The following PUS10 variants were observed in gnomAD, a reference collection of about 807,000 sequenced individuals.
PUS10 encodes tRNA pseudouridine synthase Pus10.
A neutral mutation model predicts 75.0 loss-of-function variants in PUS10; 59 were observed. The ratio of observed to expected loss-of-function variants is 0.79; its 90% confidence interval spans 0.64 to 0.98. The LOEUF is 0.98. Among genes scored for constraint, PUS10 ranks in the 50% least tolerant of loss-of-function variants. PUS10 has a pLI of 0.00. For synonymous variants in PUS10, 219 were observed against 211.6 expected, an observed-to-expected ratio of 1.03 and a Z score of -0.30; for missense variants, 650 against 614.4, an observed-to-expected ratio of 1.06 and a Z score of -0.61.
chr2:61,013,739 T>C (rs1254004957), intron 1 of PUS10, among the ~76,000 whole-genome samples: 1 of 152,128 alleles, frequency 6.6e-6, no homozygotes, highest in Non-Finnish European at 1.5e-5. Context: ...TTAAAACAAA[T>C]TGAGGCCGGG....
At chr2:61,014,591 A>G (rs1326705972) in intron 1 of PUS10, among the ~76,000 whole-genome samples, 1 of 152,188 alleles carries the variant, frequency 6.6e-6, no homozygotes, top group African/African-American at 2.4e-5. Flanking sequence ...TTGTTCAGCA[A>G]AACAAGATCT....
chr2:60,971,648 T>C (rs1676670768), intron 4 of PUS10, 91 bp from the exon 5 acceptor site: 1 of 1,193,874 alleles, frequency 8.4e-7, no homozygotes, highest in Non-Finnish European at 1.2e-6. Context: ...AGTGCTTAAC[T>C]ATTTGCTAAT....
In PUS10 at chr2:61,007,228, T is replaced by TAAAAA. The variant is rs369386636; in HGVS notation, c.382-590_382-586dup. 1.7e-3 allele frequency among the ~76,000 whole-genome samples: 263 copies of TAAAAA among 150,432 alleles called. 2 individuals are homozygous for TAAAAA. The Middle Eastern group carries it at 0.041, about 24-fold the overall frequency. ...GAGTAGGCTTTTGTTTTTTTTTTTT[T>TAAAAA]AAAAAAAAGAAAATATTTTAATGAT... On this transcript the variant is annotated intron_variant, in intron 3 of 17. Coordinates refer to ENST00000316752, the MANE Select transcript of PUS10 (RefSeq NM_144709.4).
At position 60,963,373 on chromosome 2, in the gene PUS10, A is replaced by G. The variant is rs74846532; in HGVS notation, c.724-483T>C. Among the ~76,000 whole-genome samples, 1,113 of 152,368 alleles carry G rather than the reference A, an allele frequency of 7.3e-3. 13 individuals are homozygous for G. The highest frequency in any genetic ancestry group is 0.025 in the African/African-American group (1,053 of 41,584). On this transcript the variant is annotated intron_variant, in intron 8 of 17. Coordinates refer to ENST00000316752, the MANE Select transcript of PUS10 (RefSeq NM_144709.4). ...AGGGATAAAGCAGAGCCAACCTGCC[A>G]GCCCTGGCATCTAGCAACTCAGTCT...
chr2:61,017,296 G>C (rs1680063654), intron 1 of PUS10: 1 of 153,750 alleles, frequency 6.5e-6, no homozygotes, highest in African/African-American at 2.4e-5. Flanking sequence ...AAAAGTACCA[G>C]CCCGCTCTCG....
intron 4 of PUS10, among the ~76,000 whole-genome samples, chr2:60,984,892 T>C (rs1485608900): frequency 6.6e-6 from 1 of 152,054 alleles, no homozygotes; most frequent in Non-Finnish European, 1.5e-5. Flanking sequence ...TAGCAAAAGG[T>C]CTCAGAAAGA....
intron 9 of PUS10, among the ~76,000 whole-genome samples, chr2:60,962,024 G>A (rs1264361431): frequency 6.6e-6 from 1 of 152,206 alleles, no homozygotes; most frequent in African/African-American, 2.4e-5. Context: ...TAAAATGAAT[G>A]TACCAAGAAT....
chr2:60,953,800 T>C (rs1675485689), intron 14 of PUS10, 133 bp downstream of exon 14: 11 of 689,372 alleles, frequency 1.6e-5, no homozygotes, highest in Non-Finnish European at 2.8e-5. Flanking sequence ...AAATGTCTAC[T>C]TAATCATTTC....
intron 5 of PUS10, among the ~76,000 whole-genome samples, chr2:60,968,292 T>A (rs566076224): frequency 2.6e-5 from 4 of 152,104 alleles, no homozygotes; most frequent in Admixed American, 2.0e-4. Context: ...GAACTTGAGA[T>A]AAAAGGGATG....
At chr2:60,993,881 C>T (rs770131862) in intron 4 of PUS10, among the ~76,000 whole-genome samples, 1 of 152,070 alleles carries the variant, frequency 6.6e-6, no homozygotes, top group Non-Finnish European at 1.5e-5. Flanking sequence ...GTTCCGCCTC[C>T]CATGTTCACG....
At chr2:61,006,760 T>C (rs1227605755) in intron 3 of PUS10, 117 bp from the exon 4 acceptor site, 2 of 723,670 alleles carry the variant, frequency 2.8e-6, no homozygotes, top group African/African-American at 3.6e-5. Flanking sequence ...TTCCAAACTT[T>C]CACATTTGAC....
chr2:60,965,307 C>T, intron 7 of PUS10, 116 bp downstream of exon 7: 1 of 1,035,944 alleles, frequency 9.7e-7, no homozygotes, highest in Non-Finnish European at 1.5e-6. Flanking sequence ...TTTAAACCTA[C>T]TAAGACATAA....
chr2:60,959,189 CT>C (rs1410761815), intron 11 of PUS10, among the ~76,000 whole-genome samples: 2 of 152,188 alleles, frequency 1.3e-5, no homozygotes, highest in African/African-American at 2.4e-5. Flanking sequence ...TTCCAGGACA[CT>C]TTACAGGTTA....
At chr2:61,003,384 C>T (rs1046518989) in intron 4 of PUS10, among the ~76,000 whole-genome samples, 1 of 151,160 alleles carries the variant, frequency 6.6e-6, no homozygotes, top group African/African-American at 2.4e-5. Context: ...ATTGCTTGAA[C>T]TCAGGAGGCG....
chr2:60,998,103 C>T (rs955690607), intron 4 of PUS10, among the ~76,000 whole-genome samples: 1 of 152,188 alleles, frequency 6.6e-6, no homozygotes, highest in Non-Finnish European at 1.5e-5. Flanking sequence ...AATTTTGACA[C>T]ATTCTATTTA....
At chr2:61,017,609 TG>T in intron 1 of PUS10, 1 of 597,790 alleles carries the variant, frequency 1.7e-6, no homozygotes, top group Non-Finnish European at 3.0e-6. Flanking sequence ...TGGATTCAGC[TG>T]GCAAAGTAAC....
chr2:61,007,870 C>T (rs1679334738), intron 3 of PUS10, among the ~76,000 whole-genome samples: 1 of 149,858 alleles, frequency 6.7e-6, no homozygotes, highest in Non-Finnish European at 1.5e-5. Flanking sequence ...ATCACGAGGT[C>T]AAGAGATTAA....
chr2:60,989,565 G>C (rs78878177), intron 4 of PUS10, among the ~76,000 whole-genome samples: 2 of 152,138 alleles, frequency 1.3e-5, no homozygotes, highest in African/African-American at 2.4e-5. Flanking sequence ...AAGACAGATA[G>C]CTCAGTATTC....
chr2:61,012,849 AAAAAAAAAAAAAAAAAAAAT>A (rs2104746985), intron 1 of PUS10, among the ~76,000 whole-genome samples: 1 of 98,658 alleles, frequency 1.0e-5, no homozygotes, highest in Non-Finnish European at 2.1e-5. Context: ...AAAAAAAAAA[AAAAAAAAAAAAAAAAAAAAT>A]ATATATATAT....
Sources: gnomAD v4.1 joint callset for allele counts (sites outside exome capture counted in the v4.1 genomes callset) on GRCh38, gnomAD v4.1.1 for gene constraint, MANE v1.5 for transcripts, NCBI Gene and HGNC (gene_info 2026-07-23, HGNC 2026-07-21) for gene names.